REEP3: variants seen among roughly 807,000 people sequenced by gnomAD.
REEP3 encodes the protein receptor accessory protein 3.
In REEP3, 20 loss-of-function variants were observed where a neutral mutation model predicts 41.3. The ratio of observed to expected loss-of-function variants is 0.48; its 90% CI spans 0.34 to 0.70. REEP3 has a LOEUF of 0.70. REEP3 is among the 30% of genes least tolerant of loss of function. REEP3 has a pLI of 0.01. For missense variants in REEP3, 271 were observed against 308.8 expected (o/e 0.88, Z 0.92); for synonymous variants, 104 against 101.8 (o/e 1.02, Z -0.13).
intron 2 of REEP3, among the ~76,000 whole-genome samples, chr10:63,581,992 G>A (rs548194946): frequency 6.6e-6 from 1 of 151,722 alleles, no homozygotes; most frequent in Admixed American, 6.6e-5. Flanking sequence ...TACCAAGTTT[G>A]TCTTTTCTCT....
At chr10:63,550,043 T>G (rs1169406177) in intron 1 of REEP3, among the ~76,000 whole-genome samples, 1 of 152,178 alleles carries the variant, frequency 6.6e-6, no homozygotes, top group Non-Finnish European at 1.5e-5. Flanking sequence ...ATTAGAAAGA[T>G]TTATCTGACA....
chr10:63,561,599 T>G (rs1955740125), intron 1 of REEP3, among the ~76,000 whole-genome samples: 1 of 152,180 alleles, frequency 6.6e-6, no homozygotes, highest in African/African-American at 2.4e-5. Flanking sequence ...AGTGAAGTCT[T>G]TAAGTGAGGC....
At chr10:63,569,525 T>C (rs1172130321) in intron 2 of REEP3, among the ~76,000 whole-genome samples, 1 of 152,122 alleles carries the variant, frequency 6.6e-6, no homozygotes, top group East Asian at 1.9e-4. Context: ...TTTAAATGTT[T>C]AGATGAGAAG....
At chr10:63,611,280 CTT>C (rs918476925) in intron 6 of REEP3, among the ~76,000 whole-genome samples, 1 of 152,134 alleles carries the variant, frequency 6.6e-6, no homozygotes, top group Non-Finnish European at 1.5e-5. Flanking sequence ...GTTGAACACT[CTT>C]TACTGTAAGT....
At chr10:63,605,071 A>C (rs1168055504) in intron 5 of REEP3, among the ~76,000 whole-genome samples, 2 of 152,174 alleles carry the variant, frequency 1.3e-5, no homozygotes, top group Non-Finnish European at 2.9e-5. Flanking sequence ...CGTTCCCCAC[A>C]ACAAAAAATT....
At chr10:63,553,429 G>A (rs1453090542) in intron 1 of REEP3, among the ~76,000 whole-genome samples, 7 of 152,122 alleles carry the variant, frequency 4.6e-5, no homozygotes, top group African/African-American at 9.7e-5. Flanking sequence ...GTAGTATGCC[G>A]TCAGTGATAC....
At chr10:63,597,938 A>T in intron 3 of REEP3, 86 bp from the exon 4 acceptor site, 3 of 1,140,774 alleles carry the variant, frequency 2.6e-6, no homozygotes, top group Non-Finnish European at 3.7e-6. Flanking sequence ...CAGCATAGTG[A>T]CTGAACTTTT....
intron 1 of REEP3, among the ~76,000 whole-genome samples, chr10:63,563,295 T>C (rs1481916973): frequency 2.0e-5 from 3 of 152,102 alleles, no homozygotes; most frequent in Non-Finnish European, 4.4e-5. Context: ...ACATATAAAA[T>C]AGACAAGGAA....
intron 4 of REEP3, among the ~76,000 whole-genome samples, chr10:63,598,483 CAA>C (rs59559921): frequency 1.5e-5 from 1 of 65,858 alleles, no homozygotes. Context: ...GACTCCATCT[CAA>C]AAAAAAAAAA....
intron 1 of REEP3, among the ~76,000 whole-genome samples, chr10:63,523,143 G>A (rs536272530): frequency 6.6e-6 from 1 of 152,224 alleles, no homozygotes; most frequent in South Asian, 2.1e-4. Flanking sequence ...TGTTCTAGGT[G>A]CTACCTATAA....
chr10:63,521,769 A>G, intron 1 of REEP3, 192 bp downstream of exon 1: 1 of 350,038 alleles, frequency 2.9e-6, no homozygotes, highest in Non-Finnish European at 5.1e-6. Context: ...GCTCCCTGCG[A>G]CGGCCGAGGG....
intron 6 of REEP3, among the ~76,000 whole-genome samples, chr10:63,612,772 CAGAG>C (rs1323834457): frequency 6.7e-6 from 1 of 149,516 alleles, no homozygotes; most frequent in Non-Finnish European, 1.5e-5. Context: ...GCCTGGGTGA[CAGAG>C]AGAGACTCCA....
At chr10:63,532,927 A>G (rs1248736538) in intron 1 of REEP3, among the ~76,000 whole-genome samples, 1 of 152,198 alleles carries the variant, frequency 6.6e-6, no homozygotes, top group Admixed American at 6.5e-5. Context: ...AGGAGAAAAA[A>G]TGTCGAACAA....
rs1207226256 is a variant in REEP3, at chr10:63,521,443, G to A, written c.-103G>A. On this transcript the variant is annotated 5_prime_UTR_variant, in exon 1 of 8. Coordinates refer to ENST00000373758, the MANE Select transcript of REEP3 (RefSeq NM_001001330.3). ...CCTGAGGGCGCCAGCGCGGCCCCGGGGAGCGCGAGGAGCCGGCGAAGCGCG... is the reference window on the plus strand; with the variant it reads ...CCTGAGGGCGCCAGCGCGGCCCCGGAGAGCGCGAGGAGCCGGCGAAGCGCG... The A allele has an allele frequency of 6.5e-6, 4 of 612,784 alleles. No homozygotes were observed. Among genetic ancestry groups the A allele is most frequent in the South Asian group, 6.3e-5 (1 of 15,996 alleles). The allele number at this position is 612,784 out of a possible 1,614,324, so 38.0% of individuals were successfully genotyped here.
At chr10:63,530,408 T>C (rs541036774) in intron 1 of REEP3, among the ~76,000 whole-genome samples, 10 of 152,320 alleles carry the variant, frequency 6.6e-5, no homozygotes, top group African/African-American at 2.4e-4. Context: ...AAGAATAAGA[T>C]ACATTGCTAT....
At chr10:63,541,822 C>T (rs568488103) in intron 1 of REEP3, among the ~76,000 whole-genome samples, 18 of 152,182 alleles carry the variant, frequency 1.2e-4, no homozygotes, top group African/African-American at 3.6e-4. Flanking sequence ...TGGCCCTGCC[C>T]GTAGCAATGG....
At chr10:63,589,425 T>A (rs1956036913) in intron 2 of REEP3, among the ~76,000 whole-genome samples, 3 of 152,158 alleles carry the variant, frequency 2.0e-5, no homozygotes, top group Non-Finnish European at 4.4e-5. Flanking sequence ...CTGGCCTCCT[T>A]TGGGTTTGGC....
intron 2 of REEP3, among the ~76,000 whole-genome samples, chr10:63,586,693 A>T (rs986478371): frequency 6.6e-6 from 1 of 152,120 alleles, no homozygotes; most frequent in East Asian, 1.9e-4. Context: ...TTTTTAAAAA[A>T]TTAATTTTTT....
intron 5 of REEP3, among the ~76,000 whole-genome samples, chr10:63,599,978 G>A (rs571354253): frequency 6.6e-6 from 1 of 152,226 alleles, no homozygotes; most frequent in Non-Finnish European, 1.5e-5. Context: ...TATAAAATGG[G>A]GGTAATATAC....
Sources: gnomAD v4.1 joint callset for allele counts (sites outside exome capture counted in the v4.1 genomes callset) on GRCh38, gnomAD v4.1.1 for gene constraint, MANE v1.5 for transcripts, NCBI Gene and HGNC (gene_info 2026-07-23, HGNC 2026-07-21) for gene names.